The following DLG5 variants were observed in gnomAD, a reference collection of about 807,000 sequenced individuals.
DLG5 encodes the protein disks large homolog 5.
A neutral mutation model predicts 189.8 loss-of-function variants in DLG5; 48 were observed. That is an observed-to-expected ratio of 0.25 (90% CI 0.20 to 0.32). The LOEUF (loss-of-function observed/expected upper bound fraction) is 0.32, where lower values mean the gene tolerates loss of function less well. DLG5 is among the 10% of genes least tolerant of loss of function. The pLI is 1.00. For missense variants in DLG5, 2,160 were observed against 2,544.7 expected, an observed-to-expected ratio of 0.85 and a Z score of 3.25; for synonymous variants, 1,016 against 1,054.1, an observed-to-expected ratio of 0.96 and a Z score of 0.70.
chr10:77,852,027 G>A (rs1844001735), intron 5 of DLG5, among the ~76,000 whole-genome samples: 2 of 152,150 alleles, frequency 1.3e-5, no homozygotes, highest in Admixed American at 1.3e-4. Context: ...GGACTGCAGA[G>A]GGCATGGGAG....
intron 1 of DLG5, 47 bp from the exon 2 acceptor site, chr10:77,869,244 G>T (rs554756625): frequency 1.9e-6 from 3 of 1,565,742 alleles, no homozygotes; most frequent in Non-Finnish European, 2.6e-6. Context: ...GGGGTCACTC[G>T]TCTTCACCCC....
chr10:77,856,181 C>A (rs1844217098), intron 3 of DLG5, among the ~76,000 whole-genome samples: 1 of 150,382 alleles, frequency 6.6e-6, no homozygotes, highest in African/African-American at 2.5e-5. Context: ...CCTGCTGCTA[C>A]AAAAAAATTA....
chr10:77,818,490 G>C (rs1332251386), intron 17 of DLG5, among the ~76,000 whole-genome samples: 2 of 152,180 alleles, frequency 1.3e-5, no homozygotes, highest in Admixed American at 6.5e-5. Flanking sequence ...CACAGGGTTT[G>C]TGCCCTGTGA....
chr10:77,831,076 C>A (rs1166198643), intron 9 of DLG5, among the ~76,000 whole-genome samples: 1 of 152,152 alleles, frequency 6.6e-6, no homozygotes, highest in African/African-American at 2.4e-5. Flanking sequence ...AAGACAAATT[C>A]TCCCCAAATT....
intron 1 of DLG5, among the ~76,000 whole-genome samples, chr10:77,918,659 AC>A (rs1354861579): frequency 6.6e-6 from 1 of 152,162 alleles, no homozygotes; most frequent in East Asian, 1.9e-4. Context: ...CAATAGAGAT[AC>A]ACCGTTCAGA....
At chr10:77,934,809 T>C in the DLG5 span, among the ~76,000 whole-genome samples, 2 of 151,804 alleles carry the variant, frequency 1.3e-5, no homozygotes, top group Admixed American at 1.3e-4. Context: ...ACCTGTCATC[T>C]ACAGAGCTGA....
chr10:77,850,390 A>G (rs767032172), intron 5 of DLG5, among the ~76,000 whole-genome samples: 2 of 152,220 alleles, frequency 1.3e-5, no homozygotes, highest in Non-Finnish European at 2.9e-5. Context: ...ATTCCTTGTT[A>G]TGCTGAATAA....
chr10:77,815,291 G>A (rs1841995327), intron 20 of DLG5, among the ~76,000 whole-genome samples: 1 of 152,228 alleles, frequency 6.6e-6, no homozygotes, highest in Non-Finnish European at 1.5e-5. Flanking sequence ...AGGCCTCTGT[G>A]TTTTGCTGTC....
chr10:77,883,023 G>A (rs1481487896), intron 1 of DLG5, among the ~76,000 whole-genome samples: 5 of 152,020 alleles, frequency 3.3e-5, no homozygotes, highest in Non-Finnish European at 7.4e-5. Context: ...CTAGTTTCAC[G>A]CAATTCTACG....
At chr10:77,892,384 C>T (rs1007562315) in intron 1 of DLG5, among the ~76,000 whole-genome samples, 1 of 152,170 alleles carries the variant, frequency 6.6e-6, no homozygotes, top group African/African-American at 2.4e-5. Flanking sequence ...ATGCAACAGC[C>T]TCCTCCCTCT....
In DLG5 at chr10:77,854,114, T is replaced by C. The variant is rs532882427; in HGVS notation, c.680+113A>G. 5.8e-6 allele frequency: 8 copies of C among 1,380,198 alleles called. No homozygotes were observed. The Admixed American group carries it at 9.9e-5, about 17-fold the overall frequency. 85.5% of individuals were successfully genotyped at this position (1,380,198 alleles called of 1,614,324 possible). ...CTGCTGTAGGCAGACTGCTTGCTCTTGCACAGGGACAGGACTAGAACCAGA... is the reference window on the plus strand; with the variant it reads ...CTGCTGTAGGCAGACTGCTTGCTCTCGCACAGGGACAGGACTAGAACCAGA... On this transcript the variant is annotated intron_variant, in intron 4 of 31. Transcript: ENST00000372391.
Position 77,792,334 on chromosome 10 carries a change from C to G in DLG5, c.*106G>C, listed in dbSNP as rs2165046. 2.6e-6 allele frequency: 3 copies of G among 1,155,038 alleles called. No individual in the cohort carries two copies. Among genetic ancestry groups the G allele is most frequent in the Non-Finnish European group, 1.3e-6 (1 of 777,208 alleles). The allele number at this position is 1,155,038 out of a possible 1,614,324, so 71.5% of individuals were successfully genotyped here. A position where few individuals can be genotyped will look rare whatever the true frequency, so the allele number is the denominator to read the frequency against. On this transcript the variant is annotated 3_prime_UTR_variant, in exon 32 of 32. Transcript: ENST00000372391. ...GGGTCCTGGTTCCGGATCCTTCCCCCGCATGTTCATAGACGGACAGACTTC... is the reference window on the plus strand; with the variant it reads ...GGGTCCTGGTTCCGGATCCTTCCCCGGCATGTTCATAGACGGACAGACTTC...
chr10:77,802,214 C>A lies in DLG5; in HGVS notation c.5164+3451G>T, dbSNP rs1300914319. On this transcript the variant is annotated intron_variant, in intron 27 of 31. Transcript: ENST00000372391. ...GGAGGATAAACCTGTGTGTTTGAAG[C>A]CACACAGTCTGTGGTAATTGGGTAC... Among the ~76,000 whole-genome samples, 6 of 152,154 alleles carry A rather than the reference C, an allele frequency of 3.9e-5. No homozygotes were observed. The East Asian group carries it at 1.2e-3, about 29-fold the overall frequency.
At position 77,819,378 on chromosome 10, in the gene DLG5, C is replaced by G. The variant is rs760429412; in HGVS notation, c.3614G>C (p.Gly1205Ala). ...GGCCGCAGGTGGAGAGCTGCAGGGG[C>G]CGACCCTGTGACTGCGCACAGTGTA... ...PIYTVRSHRVGPCSSPPAARD... is the reference protein window; with the variant it reads ...PIYTVRSHRVAPCSSPPAARD... The change falls in exon 17 of 32, where the codon GGC becomes GCC. Residue 1205 changes from glycine to alanine, a missense_variant. By Grantham distance (60) the Gly-to-Ala change is moderately conservative. Transcript: ENST00000372391. 2 of 1,614,044 alleles carry G rather than the reference C, an allele frequency of 1.2e-6. No homozygotes were observed. The highest frequency in any genetic ancestry group is 4.5e-5 in the East Asian group (2 of 44,864).
At chr10:77,867,902 G>A (rs1844748271) in intron 2 of DLG5, 2 of 456,282 alleles carry the variant, frequency 4.4e-6, no homozygotes, top group South Asian at 1.5e-5. Context: ...AGGCCAATCT[G>A]ACCAGTGTCC....
At chr10:77,855,105 C>T (rs1844168343) in intron 3 of DLG5, among the ~76,000 whole-genome samples, 1 of 152,188 alleles carries the variant, frequency 6.6e-6, no homozygotes, top group African/African-American at 2.4e-5. Flanking sequence ...AATACCAATG[C>T]CCAGGTCAAT....
chr10:77,884,928 C>A (rs1182935449), intron 1 of DLG5, among the ~76,000 whole-genome samples: 1 of 152,194 alleles, frequency 6.6e-6, no homozygotes, highest in Non-Finnish European at 1.5e-5. Flanking sequence ...ACTGCTGGGA[C>A]TCTTTCCAAT....
intron 16 of DLG5, 55 bp from the exon 17 acceptor site, chr10:77,819,520 C>T: frequency 6.4e-7 from 1 of 1,567,796 alleles, no homozygotes; most frequent in Non-Finnish European, 8.6e-7. Flanking sequence ...CAGCCCAGGA[C>T]TTACACAAGC....
At chr10:77,829,332 T>C in intron 12 of DLG5, 23 bp downstream of exon 12, 2 of 1,612,918 alleles carry the variant, frequency 1.2e-6, no homozygotes, top group Non-Finnish European at 1.7e-6. Flanking sequence ...TGAGGCACTC[T>C]GCCATGTTCA....
Sources: gnomAD v4.1 joint callset for allele counts (sites outside exome capture counted in the v4.1 genomes callset) on GRCh38, gnomAD v4.1.1 for gene constraint, MANE v1.5 for transcripts, NCBI Gene and HGNC (gene_info 2026-07-23, HGNC 2026-07-21) for gene names.